The following CNTNAP2 variants were observed in gnomAD, a reference collection of about 807,000 sequenced individuals.
The protein encoded by CNTNAP2 is contactin-associated protein-like 2.
Under a neutral mutation model 155.2 loss-of-function variants are expected in CNTNAP2, and 98 were observed. That is an observed-to-expected ratio of 0.63 (90% CI 0.54 to 0.75). CNTNAP2 has a LOEUF of 0.75. Among genes scored for constraint, CNTNAP2 ranks in the 30% least tolerant of loss-of-function variants. The pLI is 0.00. For synonymous variants in CNTNAP2, 651 were observed against 631.2 expected, an observed-to-expected ratio of 1.03 and a Z score of -0.47; for missense variants, 1,727 against 1,688.1, an observed-to-expected ratio of 1.02 and a Z score of -0.40.
intron 3 of CNTNAP2, among the ~76,000 whole-genome samples, chr7:146,967,638 G>C (rs540724456): frequency 6.6e-6 from 1 of 152,318 alleles, no homozygotes; most frequent in Admixed American, 6.5e-5. Context: ...AAGAAAGCTT[G>C]TGATTTTTGT....
chr7:148,279,629 C>G (rs1393511847), intron 21 of CNTNAP2, among the ~76,000 whole-genome samples: 1 of 152,204 alleles, frequency 6.6e-6, no homozygotes, highest in Non-Finnish European at 1.5e-5. Context: ...ACGGCCTTTT[C>G]CTGTCTTTAT....
At chr7:147,478,208 A>T (rs1379777707) in intron 10 of CNTNAP2, among the ~76,000 whole-genome samples, 1 of 151,690 alleles carries the variant, frequency 6.6e-6, no homozygotes, top group Non-Finnish European at 1.5e-5. Flanking sequence ...GCTGGGGTTC[A>T]ATGACATGAT....
At chr7:147,799,486 A>G (rs1240788082) in intron 13 of CNTNAP2, among the ~76,000 whole-genome samples, 1 of 152,210 alleles carries the variant, frequency 6.6e-6, no homozygotes, top group Non-Finnish European at 1.5e-5. Context: ...ATGGGAAGTA[A>G]TTATAATATG....
intron 1 of CNTNAP2, among the ~76,000 whole-genome samples, chr7:146,679,805 TACTTG>T (rs1178154372): frequency 3.3e-5 from 5 of 152,290 alleles, no homozygotes; most frequent in African/African-American, 1.2e-4. Context: ...GCGGTAACAT[TACTTG>T]ACTTCAATTG....
chr7:146,711,185 CATAT>C (rs903371765), intron 1 of CNTNAP2, among the ~76,000 whole-genome samples: 2 of 149,828 alleles, frequency 1.3e-5, no homozygotes, highest in African/African-American at 4.9e-5. Flanking sequence ...AATTTGCACA[CATAT>C]GTATGTATAC....
intron 8 of CNTNAP2, among the ~76,000 whole-genome samples, chr7:147,174,636 C>T (rs575700245): frequency 1.4e-4 from 21 of 152,192 alleles, no homozygotes; most frequent in African/African-American, 2.6e-4. Context: ...ACTGACTTTA[C>T]GGTGCTTTCT....
At chr7:146,474,214 T>C (rs993617634) in intron 1 of CNTNAP2, among the ~76,000 whole-genome samples, 1 of 151,174 alleles carries the variant, frequency 6.6e-6, no homozygotes, top group Non-Finnish European at 1.5e-5. Context: ...GCATTTATTT[T>C]TTTTTATTTT....
rs1796369963 is a variant in CNTNAP2 at position 148,251,926 on chromosome 7, C to T, written c.3382-15107C>T. Among the ~76,000 whole-genome samples the T allele has an allele frequency of 2.6e-5, 4 of 152,222 alleles. No homozygotes were observed. The South Asian group carries it at 8.3e-4, about 32-fold the overall frequency. On this transcript the variant is annotated intron_variant, in intron 20 of 23. Transcript: ENST00000361727. The stretch of plus-strand genomic sequence containing the variant: ...TAGCCCCAGTTCCATATACGTACCA[C>T]AGCCACCAACACAGGAGCCTGTAGG...
chr7:146,507,561 A>G (rs1393826643), intron 1 of CNTNAP2, among the ~76,000 whole-genome samples: 2 of 152,172 alleles, frequency 1.3e-5, no homozygotes, highest in Non-Finnish European at 2.9e-5. Context: ...AAAAGTCTCT[A>G]GTTGCCTCAT....
At chr7:147,741,105 C>T (rs1419359989) in intron 13 of CNTNAP2, among the ~76,000 whole-genome samples, 3 of 152,168 alleles carry the variant, frequency 2.0e-5, no homozygotes, top group Non-Finnish European at 2.9e-5. Flanking sequence ...CAGATGATGG[C>T]CATTGGAAGC....
At chr7:146,584,423 A>C (rs1174437006) in intron 1 of CNTNAP2, among the ~76,000 whole-genome samples, 1 of 152,202 alleles carries the variant, frequency 6.6e-6, no homozygotes, top group Non-Finnish European at 1.5e-5. Context: ...AGTCTAGCTT[A>C]AACAACTAGG....
At chr7:146,182,094 A>T (rs1164858536) in intron 1 of CNTNAP2, among the ~76,000 whole-genome samples, 1 of 152,010 alleles carries the variant, frequency 6.6e-6, no homozygotes, top group African/African-American at 2.4e-5. Context: ...ATGTAGAAAC[A>T]ATACTTTATT....
chr7:147,796,389 CAAATAATCCCAA>C (rs1293867458), intron 13 of CNTNAP2, among the ~76,000 whole-genome samples: 3 of 152,064 alleles, frequency 2.0e-5, no homozygotes, highest in Non-Finnish European at 4.4e-5. Flanking sequence ...AGCCTTAGCA[CAAATAATCCCAA>C]AGACATTTCT....
intron 21 of CNTNAP2, among the ~76,000 whole-genome samples, chr7:148,294,688 A>G (rs1304911280): frequency 2.0e-5 from 3 of 152,218 alleles, no homozygotes; most frequent in Non-Finnish European, 4.4e-5. Context: ...GTATTTCATT[A>G]AAGCAGCTAA....
intron 13 of CNTNAP2, among the ~76,000 whole-genome samples, chr7:147,714,006 G>A (rs1796445592): frequency 6.6e-6 from 1 of 152,058 alleles, no homozygotes; most frequent in Non-Finnish European, 1.5e-5. Context: ...TCTTTTGCAT[G>A]CCATTTGCAT....
intron 21 of CNTNAP2, among the ~76,000 whole-genome samples, chr7:148,272,526 G>T (rs1377870009): frequency 6.6e-6 from 1 of 152,034 alleles, no homozygotes; most frequent in African/African-American, 2.4e-5. Context: ...TGAGAGGGAT[G>T]GTTTAATATG....
intron 8 of CNTNAP2, among the ~76,000 whole-genome samples, chr7:147,237,069 TTTTTTTTTTTTTTTTTG>T (rs1803824403): frequency 8.2e-6 from 1 of 121,396 alleles, no homozygotes; most frequent in Admixed American, 8.6e-5. Context: ...TTTTTTTTTT[TTTTTTTTTTTTTTTTTG>T]ACAGTGTCTT....
At chr7:146,581,271 T>C (rs923154446) in intron 1 of CNTNAP2, among the ~76,000 whole-genome samples, 5 of 152,098 alleles carry the variant, frequency 3.3e-5, no homozygotes, top group Non-Finnish European at 7.4e-5. Flanking sequence ...CTACAGGTTA[T>C]TATATGCAAG....
At chr7:147,726,499 C>G (rs1796645934) in intron 13 of CNTNAP2, among the ~76,000 whole-genome samples, 1 of 151,946 alleles carries the variant, frequency 6.6e-6, no homozygotes, top group South Asian at 2.1e-4. Context: ...AGGTGTTAGG[C>G]TGTCTTTATG....
Sources: gnomAD v4.1 joint callset for allele counts (sites outside exome capture counted in the v4.1 genomes callset) on GRCh38, gnomAD v4.1.1 for gene constraint, MANE v1.5 for transcripts, NCBI Gene and HGNC (gene_info 2026-07-23, HGNC 2026-07-21) for gene names.